Variants in ST7 observed in about 807,000 individuals in gnomAD.
ST7 encodes the protein suppression of tumorigenicity 7.
ST7 carries 28 observed loss-of-function variants against 78.7 expected under a neutral mutation model. The ratio of observed to expected loss-of-function variants is 0.36; its 90% confidence interval spans 0.26 to 0.49. The LOEUF is 0.49. Ranked by LOEUF, ST7 falls within the 20% of genes least tolerant of loss-of-function variation. The pLI is 0.99. For missense variants in ST7, 418 were observed against 696.0 expected (o/e 0.60, Z 4.49); for synonymous variants, 247 against 249.6 (o/e 0.99, Z 0.10).
At chr7:117,066,764 CAAAAAA>C (rs35246518) in intron 1 of ST7, among the ~76,000 whole-genome samples, 1 of 74,736 alleles carries the variant, frequency 1.3e-5, no homozygotes, top group African/African-American at 6.1e-5. Context: ...GACTCCGTCT[CAAAAAA>C]AAAAAAAAAA....
intron 12 of ST7, among the ~76,000 whole-genome samples, chr7:117,199,772 A>T (rs896279560): frequency 1.3e-5 from 2 of 152,234 alleles, no homozygotes; most frequent in Non-Finnish European, 2.9e-5. Context: ...TGCCCCTATG[A>T]GGCAGGCAGA....
intron 1 of ST7, among the ~76,000 whole-genome samples, chr7:117,090,542 T>A (rs1265571234): frequency 6.6e-6 from 1 of 152,106 alleles, no homozygotes; most frequent in African/African-American, 2.4e-5. Context: ...CACCTTGTCT[T>A]AGCAAAGTTT....
intron 13 of ST7, among the ~76,000 whole-genome samples, chr7:117,214,795 G>A (rs151011599): frequency 0.014 from 2,103 of 151,968 alleles, 51 homozygotes; most frequent in African/African-American, 0.048. Context: ...TTGATTGTGC[G>A]TTTATTCATT....
intron 10 of ST7, among the ~76,000 whole-genome samples, chr7:117,182,066 C>T (rs750275674): frequency 6.6e-6 from 1 of 152,166 alleles, no homozygotes; most frequent in Non-Finnish European, 1.5e-5. Flanking sequence ...TTCCCAGATT[C>T]TCTCATTGGT....
intron 1 of ST7, among the ~76,000 whole-genome samples, chr7:116,988,999 G>T (rs1054275419): frequency 1.3e-5 from 2 of 152,102 alleles, no homozygotes; most frequent in Non-Finnish European, 1.5e-5. Flanking sequence ...TAGCATAGAG[G>T]TATCCAACAG....
intron 1 of ST7, among the ~76,000 whole-genome samples, chr7:116,965,259 G>A (rs1322630246): frequency 6.6e-6 from 1 of 150,868 alleles, no homozygotes; most frequent in East Asian, 2.0e-4. Context: ...AGAATGGCGT[G>A]AACCCGGGAG....
intron 1 of ST7, among the ~76,000 whole-genome samples, chr7:117,049,710 T>G (rs1394800057): frequency 6.6e-6 from 1 of 152,242 alleles, no homozygotes; most frequent in African/African-American, 2.4e-5. Context: ...ACAATGATTC[T>G]TACTCCAGAT....
At chr7:117,159,777 C>G (rs535113472) in intron 9 of ST7, among the ~76,000 whole-genome samples, 34 of 152,270 alleles carry the variant, frequency 2.2e-4, no homozygotes, top group African/African-American at 8.2e-4. Context: ...CCTGTAGTCC[C>G]AGCTACTTGG....
chr7:117,073,411 A>G (rs1194009996), intron 1 of ST7, among the ~76,000 whole-genome samples: 1 of 152,230 alleles, frequency 6.6e-6, no homozygotes, highest in Non-Finnish European at 1.5e-5. Flanking sequence ...CACCTTAGGC[A>G]TACTTTATAG....
chr7:117,205,963 C>G (rs1791716271), intron 12 of ST7, among the ~76,000 whole-genome samples: 1 of 152,218 alleles, frequency 6.6e-6, no homozygotes, highest in African/African-American at 2.4e-5. Flanking sequence ...GGATAGGGAT[C>G]TGCCCTGTTC....
chr7:116,989,373 A>C (rs375347407), intron 1 of ST7, among the ~76,000 whole-genome samples: 26 of 152,322 alleles, frequency 1.7e-4, no homozygotes, highest in African/African-American at 5.8e-4. Context: ...CTGGAGATTT[A>C]GGTAATAGCC....
intron 12 of ST7, among the ~76,000 whole-genome samples, chr7:117,207,136 CT>C (rs1791833407): frequency 1.4e-5 from 2 of 140,862 alleles, no homozygotes. Context: ...CTGCCTCCTG[CT>C]AGTTTCTTTT....
intron 1 of ST7, among the ~76,000 whole-genome samples, chr7:116,982,441 C>T (rs1794000875): frequency 6.6e-6 from 1 of 152,114 alleles, no homozygotes; most frequent in African/African-American, 2.4e-5. Context: ...TCAGGCTGGT[C>T]TCGAACTCCC....
chr7:117,184,941 G>A (rs549194557), intron 10 of ST7, among the ~76,000 whole-genome samples: 1 of 152,290 alleles, frequency 6.6e-6, no homozygotes, highest in Non-Finnish European at 1.5e-5. Context: ...CTCTAATTAT[G>A]TCGAAATATT....
At chr7:117,068,792 C>G (rs1798769568) in intron 1 of ST7, among the ~76,000 whole-genome samples, 1 of 152,232 alleles carries the variant, frequency 6.6e-6, no homozygotes, top group Non-Finnish European at 1.5e-5. Flanking sequence ...CCTTACATGG[C>G]ACTCATTCTC....
intron 1 of ST7, among the ~76,000 whole-genome samples, chr7:117,090,341 A>G (rs1478352097): frequency 6.6e-6 from 1 of 152,150 alleles, no homozygotes; most frequent in East Asian, 1.9e-4. Flanking sequence ...TATGAAGGTT[A>G]TTATCAGAAG....
chr7:117,172,603 G>C (rs1808081139), intron 10 of ST7, among the ~76,000 whole-genome samples: 1 of 152,176 alleles, frequency 6.6e-6, no homozygotes, highest in Admixed American at 6.5e-5. Flanking sequence ...TCTTACTCAT[G>C]GTTCAGCTAA....
chr7:117,011,894 A>C (rs1795400268), intron 1 of ST7, among the ~76,000 whole-genome samples: 1 of 152,162 alleles, frequency 6.6e-6, no homozygotes, highest in African/African-American at 2.4e-5. Flanking sequence ...AGGTGGGTGG[A>C]GGGATCTAGT....
Position 117,190,355 on chromosome 7 carries a change from C to T in ST7, c.1152-479C>T, listed in dbSNP as rs970535990. 1.8e-5 allele frequency: 3 copies of T among 170,430 alleles called. No individual in the cohort carries two copies. The allele number at this position is 170,430 out of a possible 1,614,324, so 10.6% of individuals were successfully genotyped here. On this transcript the variant is annotated intron_variant, in intron 11 of 15. Coordinates refer to ENST00000323984, the MANE Select transcript of ST7 (RefSeq NM_001369598.1). The surrounding 1 kb of genome is among the most constrained non-coding windows in gnomAD (Gnocchi z 5.2). ...GTTTGGGCATGCACACACCCTCTGC[C>T]GGAATGGCCCCAAGCAGGCTCGCCT... is the stretch of plus-strand genomic sequence containing the variant.
Sources: allele counts gnomAD v4.1 joint callset (sites outside exome capture counted in the v4.1 genomes callset), GRCh38; gene constraint gnomAD v4.1.1; non-coding constraint Gnocchi (gnomAD v3.1); transcripts MANE v1.5; gene names NCBI Gene and HGNC (gene_info 2026-07-23, HGNC 2026-07-21).